ZBTB43: variants seen among roughly 807,000 people sequenced by gnomAD.
ZBTB43 encodes the protein zinc finger and BTB domain-containing protein 43.
In ZBTB43, 6 loss-of-function variants were observed where a neutral mutation model predicts 31.1. The observed-to-expected ratio is 0.19, with a 90% CI of 0.11 to 0.38. The LOEUF (loss-of-function observed/expected upper bound fraction) is 0.38, where lower values mean the gene tolerates loss of function less well. ZBTB43 is among the 10% of genes least tolerant of loss of function. The pLI is 1.00. For missense variants in ZBTB43, 379 were observed against 602.1 expected (o/e 0.63, Z 3.88); for synonymous variants, 212 against 221.7 (o/e 0.96, Z 0.39).
At chr9:126,818,295 A>AG in intron 2 of ZBTB43, among the ~76,000 whole-genome samples, 1 of 145,926 alleles carries the variant, frequency 6.9e-6, no homozygotes, top group East Asian at 2.0e-4. Context: ...GCTAATTAAA[A>AG]AATATATATA....
chr9:126,815,382 T>C (rs1025121544), intron 2 of ZBTB43, among the ~76,000 whole-genome samples: 1 of 148,090 alleles, frequency 6.8e-6, no homozygotes, highest in African/African-American at 2.4e-5. Context: ...ATAGTTTTCA[T>C]GTGTCTGATA....
intron 2 of ZBTB43, among the ~76,000 whole-genome samples, chr9:126,815,834 T>A: frequency 6.6e-6 from 1 of 152,140 alleles, no homozygotes; most frequent in South Asian, 2.1e-4. Context: ...GGTTATATTT[T>A]CCTAGTTCTT....
At chr9:126,807,229 TA>T (rs1167235021) in intron 1 of ZBTB43, among the ~76,000 whole-genome samples, 1 of 152,260 alleles carries the variant, frequency 6.6e-6, no homozygotes, top group Non-Finnish European at 1.5e-5. Flanking sequence ...AACTATGGCT[TA>T]ATACGCTCTT....
At position 126,833,124 on chromosome 9, in the gene ZBTB43, C is replaced by G; in HGVS notation, c.615C>G (p.Arg205=). The G allele has an allele frequency of 6.2e-7, 1 of 1,614,062 alleles. No individual in the cohort carries two copies. The highest frequency in any genetic ancestry group is 8.5e-7 in the Non-Finnish European group (1 of 1,180,046). Residue 205 remains arginine (R), a synonymous_variant, in exon 3 of 3, where the codon CGC becomes CGG. Coordinates refer to ENST00000373464, the MANE Select transcript of ZBTB43 (RefSeq NM_014007.4). This position sits in a 1 kb window ranked among gnomAD's most constrained non-coding sequence, Gnocchi z 7.9. ...GCAACTCGTCCACAGAGCATGACCGCCTGAGCACGGAAATGGCAAGCCAGG... is the reference window on the plus strand; with the variant it reads ...GCAACTCGTCCACAGAGCATGACCGGCTGAGCACGGAAATGGCAAGCCAGG... ...LPSNSSTEHD[R]LSTEMASQDG... is the part of the protein sequence containing the mutation.
At chr9:126,814,316 C>A (rs2032320338) in intron 2 of ZBTB43, among the ~76,000 whole-genome samples, 4 of 150,460 alleles carry the variant, frequency 2.7e-5, no homozygotes, top group South Asian at 2.1e-4. Context: ...ATGAAATTTA[C>A]ATCTGTAAAA....
chr9:126,825,840 ATATTT>A (rs2032619438), intron 2 of ZBTB43, among the ~76,000 whole-genome samples: 1 of 106,144 alleles, frequency 9.4e-6, no homozygotes, highest in African/African-American at 3.9e-5. Context: ...GTTCCTTTTT[ATATTT>A]TTTTTTTTTT....
At chr9:126,816,973 G>A (rs557880011) in intron 2 of ZBTB43, among the ~76,000 whole-genome samples, 1 of 151,976 alleles carries the variant, frequency 6.6e-6, no homozygotes, top group African/African-American at 2.4e-5. Flanking sequence ...GGACCTGTCT[G>A]TCCTTGGCTT....
At chr9:126,820,921 C>T (rs753029690) in intron 2 of ZBTB43, among the ~76,000 whole-genome samples, 18 of 145,348 alleles carry the variant, frequency 1.2e-4, no homozygotes, top group African/African-American at 3.6e-4. Flanking sequence ...GAGCCACAAT[C>T]GCACCACTGC....
At chr9:126,826,361 GGTC>G (rs573704842) in intron 2 of ZBTB43, among the ~76,000 whole-genome samples, 2,723 of 151,122 alleles carry the variant, frequency 0.018, 83 homozygotes, top group Non-Finnish European at 0.019. Context: ...TGGCCAGGCT[GGTC>G]TCGAACTCCT....
intron 2 of ZBTB43, among the ~76,000 whole-genome samples, chr9:126,815,658 CTT>C (rs200516560): frequency 5.1e-4 from 62 of 122,740 alleles, no homozygotes; most frequent in Admixed American, 1.7e-3. Flanking sequence ...CTCTCTCTCT[CTT>C]TTTTTTTTTT....
chr9:126,824,913 C>T (rs2032598733), intron 2 of ZBTB43, among the ~76,000 whole-genome samples: 1 of 152,188 alleles, frequency 6.6e-6, no homozygotes, highest in Non-Finnish European at 1.5e-5. Flanking sequence ...TGGTGTCCCA[C>T]AGGCACCTCA....
intron 2 of ZBTB43, among the ~76,000 whole-genome samples, chr9:126,816,169 C>A (rs1367897312): frequency 6.6e-6 from 1 of 152,168 alleles, no homozygotes; most frequent in African/African-American, 2.4e-5. Context: ...CATTAACGGG[C>A]TGTACATCGA....
chr9:126,817,308 G>C (rs2119130484), intron 2 of ZBTB43, among the ~76,000 whole-genome samples: 1 of 151,004 alleles, frequency 6.6e-6, no homozygotes, highest in Admixed American at 6.6e-5. Flanking sequence ...ATGGGGTCTT[G>C]CTATGTTGCC....
Position 126,820,967 on chromosome 9 carries a change from C to CAAAAA in ZBTB43, c.-23-11504_-23-11500dup, listed in dbSNP as rs36023653. On this transcript the variant is annotated intron_variant, in intron 2 of 2. Transcript: ENST00000373464. ...GGGTGACAAAGTGAGACCCCCATCT[C>CAAAAA]AAAAAAAAAAAAAAAAAAAAGGATA... Among the ~76,000 whole-genome samples, 43 of 83,442 alleles carry CAAAAA rather than the reference C, an allele frequency of 5.2e-4. 1 individual carries two copies. Among genetic ancestry groups the CAAAAA allele is most frequent in the East Asian group, 1.8e-3 (5 of 2,766 alleles). 54.7% of individuals were successfully genotyped at this position (83,442 alleles called of 152,430 possible). A position where few individuals can be genotyped will look rare whatever the true frequency, so the allele number is the denominator to read the frequency against.
At chr9:126,828,340 C>T (rs1362650361) in intron 2 of ZBTB43, among the ~76,000 whole-genome samples, 4 of 151,732 alleles carry the variant, frequency 2.6e-5, no homozygotes, top group African/African-American at 4.8e-5. Context: ...CCCACCACCG[C>T]GCCTGGCTAA....
At chr9:126,812,865 G>A (rs1049347501) in intron 2 of ZBTB43, among the ~76,000 whole-genome samples, 1 of 151,972 alleles carries the variant, frequency 6.6e-6, no homozygotes, top group African/African-American at 2.4e-5. Context: ...TGTGGGTTGT[G>A]TGTTCACTTT....
intron 1 of ZBTB43, among the ~76,000 whole-genome samples, 164 bp downstream of exon 1, chr9:126,805,296 G>T (rs1204666955): frequency 6.6e-6 from 1 of 152,208 alleles, no homozygotes; most frequent in Non-Finnish European, 1.5e-5. Flanking sequence ...GGGTCCCGGC[G>T]CTCCAGCTCC....
chr9:126,823,689 A>G (rs1324846324), intron 2 of ZBTB43, among the ~76,000 whole-genome samples: 1 of 151,918 alleles, frequency 6.6e-6, no homozygotes, highest in Non-Finnish European at 1.5e-5. Context: ...CCCCCATCCT[A>G]CTTTTTATTA....
At position 126,822,999 on chromosome 9, in the gene ZBTB43, T is replaced by C. The variant is rs551105396; in HGVS notation, c.-23-9488T>C. Among the ~76,000 whole-genome samples, 9 of 152,338 alleles carry C rather than the reference T, an allele frequency of 5.9e-5. No individual in the cohort carries two copies. The East Asian group carries it at 1.5e-3, about 26-fold the overall frequency. ...GTATGGTGTAAGCATTACTTTTATA[T>C]GCACTGGGATACCAAAATTTATGTG... On this transcript the variant is annotated intron_variant, in intron 2 of 2. Transcript: ENST00000373464.
Sources: gnomAD v4.1 joint callset for allele counts (sites outside exome capture counted in the v4.1 genomes callset) on GRCh38, gnomAD v4.1.1 for gene constraint, Gnocchi (gnomAD v3.1) non-coding constraint, MANE v1.5 for transcripts, NCBI Gene and HGNC (gene_info 2026-07-23, HGNC 2026-07-21) for gene names.